ODR4: variants seen among roughly 807,000 people sequenced by gnomAD.
ODR4 encodes the protein protein odr-4 homolog.
A neutral mutation model predicts 60.2 loss-of-function variants in ODR4; 47 were observed. That is an observed-to-expected ratio of 0.78 (90% CI 0.62 to 1.00). ODR4 has a LOEUF of 1.00. Among genes scored for constraint, ODR4 ranks in the 50% least tolerant of loss-of-function variants. The probability of loss-of-function intolerance (pLI) is 0.00; values close to 1 mark genes in which losing one functional copy is unlikely to be tolerated. For synonymous variants in ODR4, 178 were observed against 175.5 expected, an observed-to-expected ratio of 1.01 and a Z score of -0.11; for missense variants, 488 against 530.8, an observed-to-expected ratio of 0.92 and a Z score of 0.79.
chr1:186,378,051 CA>C (rs71557849), intron 1 of ODR4, among the ~76,000 whole-genome samples: 85,057 of 146,750 alleles, frequency 0.58, 24,304 homozygotes, highest in East Asian at 0.65. Context: ...TCTCAAAAAA[CA>C]AAAAAAAAAA....
chr1:186,397,405 TA>T lies in ODR4; in HGVS notation c.781-907del, dbSNP rs147099555. On this transcript the variant is annotated intron_variant, in intron 9 of 13. Transcript: ENST00000287859. ...TTCCTTACCATTTCCATTTTTTGGT[TA>T]TTTTTTGTAAATCATTATTTTTTGT... is the stretch of plus-strand genomic sequence containing the variant. 6.2e-3 allele frequency among the ~76,000 whole-genome samples: 946 copies of T among 152,296 alleles called. 13 individuals are homozygous for T. Among genetic ancestry groups the T allele is most frequent in the African/African-American group, 0.022 (913 of 41,570 alleles).
intron 12 of ODR4, among the ~76,000 whole-genome samples, chr1:186,407,531 C>T (rs563901798): frequency 8.5e-5 from 13 of 152,150 alleles, no homozygotes; most frequent in African/African-American, 2.6e-4. Flanking sequence ...TTCAAATTGA[C>T]CTAATTTAAC....
intron 12 of ODR4, among the ~76,000 whole-genome samples, chr1:186,413,572 A>C (rs1365443047): frequency 6.6e-6 from 1 of 152,180 alleles, no homozygotes; most frequent in Non-Finnish European, 1.5e-5. Flanking sequence ...ATGTACTTTT[A>C]TCAACAGTAC....
intron 8 of ODR4, among the ~76,000 whole-genome samples, chr1:186,392,069 G>C (rs188337422): frequency 6.7e-6 from 1 of 150,368 alleles, no homozygotes; most frequent in East Asian, 1.9e-4. Flanking sequence ...AAACACAAAT[G>C]AAAACCACAA....
chr1:186,407,912 GA>G (rs1330155165), intron 12 of ODR4, among the ~76,000 whole-genome samples: 2 of 151,946 alleles, frequency 1.3e-5, no homozygotes, highest in African/African-American at 2.4e-5. Flanking sequence ...GTAATTGTAT[GA>G]TTTTTTTTCT....
At chr1:186,424,304 C>G (rs1316924355), downstream of ODR4, among the ~76,000 whole-genome samples, 1 of 152,074 alleles carries the variant, frequency 6.6e-6, no homozygotes, top group Non-Finnish European at 1.5e-5. Context: ...TTTTATAAAG[C>G]TATAAAAGAA....
intron 3 of ODR4, among the ~76,000 whole-genome samples, chr1:186,385,028 C>A (rs1280063975): frequency 6.6e-6 from 1 of 151,912 alleles, no homozygotes; most frequent in East Asian, 1.9e-4. Context: ...AAGGGAAATA[C>A]AGATATGGAG....
chr1:186,411,964 T>C lies in ODR4; in HGVS notation c.1187-5580T>C, dbSNP rs888751071. 5 of 327,092 alleles carry C rather than the reference T, an allele frequency of 1.5e-5. 1 individual carries two copies. Among genetic ancestry groups the C allele is most frequent in the Non-Finnish European group, 2.2e-5 (5 of 228,188 alleles). 20.3% of individuals were successfully genotyped at this position (327,092 alleles called of 1,614,324 possible). A position where few individuals can be genotyped will look rare whatever the true frequency, so the allele number is the denominator to read the frequency against. ...ATGATATTACACATTTTTCTAATAT[T>C]GTATAATGTATTGAAGATACTTCAG... is the stretch of plus-strand genomic sequence containing the variant. On this transcript the variant is annotated intron_variant, in intron 12 of 13. Coordinates refer to ENST00000287859, the MANE Select transcript of ODR4 (RefSeq NM_017847.6).
intron 9 of ODR4, among the ~76,000 whole-genome samples, chr1:186,394,854 G>T (rs897377502): frequency 6.6e-6 from 1 of 152,168 alleles, no homozygotes; most frequent in Non-Finnish European, 1.5e-5. Flanking sequence ...CAATACCTTA[G>T]AGGTATTTTA....
Position 186,420,098 on chromosome 1 carries a change from A to T in ODR4, c.*1022A>T, listed in dbSNP as rs1251836027. 6.6e-6 allele frequency: 1 copy of T among 152,238 alleles called. No individual in the cohort carries two copies. The highest frequency in any genetic ancestry group is 1.5e-5 in the Non-Finnish European group (1 of 68,038). The allele number at this position is 152,238 out of a possible 1,614,324, so 9.4% of individuals were successfully genotyped here. On this transcript the variant is annotated 3_prime_UTR_variant, in exon 14 of 14. Transcript: ENST00000287859. ...ATCTGCTTTTAATAGGTTCACTGGAAGTAGGAGAATTTTCAAGAACCATAC... is the reference window on the plus strand; with the variant it reads ...ATCTGCTTTTAATAGGTTCACTGGATGTAGGAGAATTTTCAAGAACCATAC...
chr1:186,424,791 G>A (rs1231812715), downstream of ODR4, among the ~76,000 whole-genome samples: 1 of 151,866 alleles, frequency 6.6e-6, no homozygotes, highest in African/African-American at 2.4e-5. Context: ...TTCCAGTCGT[G>A]GTGGCTGGGC....
At chr1:186,426,496 A>G in the ODR4 span, among the ~76,000 whole-genome samples, 1 of 152,200 alleles carries the variant, frequency 6.6e-6, no homozygotes, top group African/African-American at 2.4e-5. Flanking sequence ...TTGAATTCCA[A>G]AAGGGAGTGT....
chr1:186,403,536 A>AT (rs1327339841), intron 11 of ODR4, among the ~76,000 whole-genome samples: 4 of 152,104 alleles, frequency 2.6e-5, no homozygotes, highest in Non-Finnish European at 4.4e-5. Flanking sequence ...ATTAACCTGA[A>AT]TTAGAGTATT....
intron 10 of ODR4, 148 bp from the exon 11 acceptor site, chr1:186,398,806 A>T: frequency 1.8e-6 from 1 of 561,488 alleles, no homozygotes. Flanking sequence ...AGTGTGCTAA[A>T]TAAGTGGAAA....
intron 9 of ODR4, among the ~76,000 whole-genome samples, chr1:186,397,354 C>T (rs930722402): frequency 3.9e-5 from 6 of 152,132 alleles, no homozygotes; most frequent in African/African-American, 7.2e-5. Context: ...GACTTATACT[C>T]CAAGTGTTCT....
chr1:186,392,728 C>T (rs544152222), intron 8 of ODR4, among the ~76,000 whole-genome samples: 51 of 151,922 alleles, frequency 3.4e-4, no homozygotes, highest in African/African-American at 1.2e-3. Context: ...AGGGGCCAGG[C>T]GTGGTGGCTC....
rs568449931 is a variant in ODR4, at chr1:186,409,316, T to A, written c.1186+3048T>A. Among the ~76,000 whole-genome samples the A allele has an allele frequency of 3.9e-5, 6 of 152,322 alleles. No homozygotes were observed. In the South Asian group the frequency reaches 1.2e-3, roughly 32 times the overall value. On this transcript the variant is annotated intron_variant, in intron 12 of 13. Transcript: ENST00000287859. ...AAAACCCAATAAATTCAAATTCTCA[T>A]GAAACCGTTACATGTGCATTTCAGC... is the stretch of plus-strand genomic sequence containing the variant.
intron 1 of ODR4, among the ~76,000 whole-genome samples, chr1:186,377,696 G>A (rs577022876): frequency 6.6e-6 from 1 of 152,240 alleles, no homozygotes; most frequent in East Asian, 1.9e-4. Context: ...AGCATTCCTA[G>A]ACTTAGTCTC....
At chr1:186,400,247 C>G (rs1172137638) in intron 11 of ODR4, among the ~76,000 whole-genome samples, 3 of 151,604 alleles carry the variant, frequency 2.0e-5, no homozygotes, top group Admixed American at 2.0e-4. Flanking sequence ...GTCTCGGCCT[C>G]CCAAAGTGCT....
Sources: allele counts gnomAD v4.1 joint callset (sites outside exome capture counted in the v4.1 genomes callset), GRCh38; gene constraint gnomAD v4.1.1; transcripts MANE v1.5; gene names NCBI Gene and HGNC (gene_info 2026-07-23, HGNC 2026-07-21).